The following ZNF462 variants were observed in gnomAD, a reference collection of about 807,000 sequenced individuals.
ZNF462 encodes the protein zinc finger PBX1-interacting protein.
A neutral mutation model predicts 201.9 loss-of-function variants in ZNF462; 10 were observed. That is an observed-to-expected ratio of 0.05 (90% CI 0.03 to 0.08). ZNF462 has a LOEUF of 0.08. ZNF462 is among the 10% of genes least tolerant of loss of function. The pLI is 1.00. For missense variants in ZNF462, 2,523 were observed against 3,168.3 expected (o/e 0.80, Z 4.89); for synonymous variants, 1,227 against 1,193.3 (o/e 1.03, Z -0.58).
chr9:106,992,118 T>C (rs1828330631), intron 10 of ZNF462, among the ~76,000 whole-genome samples: 2 of 151,926 alleles, frequency 1.3e-5, no homozygotes, highest in South Asian at 2.1e-4. Context: ...AACCAAAATA[T>C]TTAAAGAAAT....
chr9:106,871,400 GA>G (rs746886995), intron 1 of ZNF462, among the ~76,000 whole-genome samples: 1 of 152,178 alleles, frequency 6.6e-6, no homozygotes, highest in Non-Finnish European at 1.5e-5. Context: ...TTTTATAGTG[GA>G]AATTTGCTGG....
rs367768606 is a variant in ZNF462 at position 106,930,556 on chromosome 9, T to C, written c.5879T>C (p.Ile1960Thr). ...GGTCACTTAGAAGAGGTGCCAAAGA[T>C]CAAGGAGAGGAAAGTGGTGGGCTAC... ...PFGHLEEVPK[I>T]KERKVVGYKC... The change falls in exon 4 of 13, where the codon ATC becomes ACC. Residue 1960 changes from isoleucine to threonine, a missense_variant. Transcript: ENST00000277225. The surrounding 1 kb of genome is among the most constrained non-coding windows in gnomAD (Gnocchi z 5.8). 1 of 1,614,138 alleles carries C rather than the reference T, an allele frequency of 6.2e-7. No homozygotes were observed. The highest frequency in any genetic ancestry group is 8.5e-7 in the Non-Finnish European group (1 of 1,180,018).
rs1266811003 is a variant in ZNF462, at chr9:106,970,156, G to T, written c.6428-1849G>T. Among the ~76,000 whole-genome samples, 1 of 152,148 alleles carries T rather than the reference G, an allele frequency of 6.6e-6. No homozygotes were observed. The highest frequency in any genetic ancestry group is 1.9e-4 in the East Asian group (1 of 5,182). Reference sequence around the variant, plus strand: ...TAAAGAAAAAGGAGATAAAAGAACTGGGTAAAATGAATTCAGTTGTCATTC... The same window carrying T: ...TAAAGAAAAAGGAGATAAAAGAACTTGGTAAAATGAATTCAGTTGTCATTC... On this transcript the variant is annotated intron_variant, in intron 7 of 12. Transcript: ENST00000277225. This position sits in a 1 kb window ranked among gnomAD's most constrained non-coding sequence, Gnocchi z 4.2.
intron 1 of ZNF462, among the ~76,000 whole-genome samples, chr9:106,891,194 T>C (rs1382905574): frequency 6.6e-6 from 1 of 152,176 alleles, no homozygotes; most frequent in Non-Finnish European, 1.5e-5. Flanking sequence ...AAAAGAAAAA[T>C]GCATTTCCCT....
rs567861496 is a variant in ZNF462, at chr9:106,946,510, T to G, written c.6427+7403T>G. On this transcript the variant is annotated intron_variant, in intron 7 of 12. Coordinates refer to ENST00000277225, the MANE Select transcript of ZNF462 (RefSeq NM_021224.6). Reference sequence around the variant, plus strand: ...ATGACTCATAGGTCTCTCCAGTCTTTCTGTTCTGTGTGAGAGGATTTTACA... The same window carrying G: ...ATGACTCATAGGTCTCTCCAGTCTTGCTGTTCTGTGTGAGAGGATTTTACA... 2.2e-3 allele frequency among the ~76,000 whole-genome samples: 340 copies of G among 152,264 alleles called. 4 individuals carry two copies. The highest frequency in any genetic ancestry group is 7.9e-3 in the African/African-American group (330 of 41,562).
Position 106,927,217 on chromosome 9 carries a change from C to G in ZNF462, c.3305C>G (p.Pro1102Arg), listed in dbSNP as rs376343711. Residue 1102 changes from proline to arginine, a missense_variant, in exon 3 of 13, where the codon CCA (proline) becomes CGA (arginine). Physicochemically the swap from Pro to Arg is moderately radical, Grantham distance 103. Transcript: ENST00000277225. ...KMSNMGSPPP[P>R]QPPPPDLSTE... ...TCCAACATGGGTTCCCCACCCCCCC[C>G]ACAACCCCCGCCACCAGACCTCAGT... 20 of 1,590,416 alleles carry G rather than the reference C, an allele frequency of 1.3e-5. No individual in the cohort carries two copies. The African/African-American group carries it at 1.9e-4, about 15-fold the overall frequency.
chr9:106,939,761 C>T (rs527444992), intron 7 of ZNF462, among the ~76,000 whole-genome samples: 11 of 152,232 alleles, frequency 7.2e-5, no homozygotes, highest in African/African-American at 2.6e-4. Flanking sequence ...GAGTCCAGAC[C>T]TTAGGGCCTG....
chr9:106,908,136 T>A (rs1180974196), intron 1 of ZNF462, among the ~76,000 whole-genome samples: 1 of 152,114 alleles, frequency 6.6e-6, no homozygotes, highest in African/African-American at 2.4e-5. Flanking sequence ...CACGGGCACT[T>A]GAAAACTTTT....
rs1439477597 is a variant in ZNF462 at position 106,883,980 on chromosome 9, T to A, written c.-31+20625T>A. Among the ~76,000 whole-genome samples, 2 of 152,194 alleles carry A rather than the reference T, an allele frequency of 1.3e-5. No individual in the cohort carries two copies. Among genetic ancestry groups the A allele is most frequent in the African/African-American group, 4.8e-5 (2 of 41,464 alleles). On this transcript the variant is annotated intron_variant, in intron 1 of 12. Coordinates refer to ENST00000277225, the MANE Select transcript of ZNF462 (RefSeq NM_021224.6). The surrounding 1 kb of genome is among the most constrained non-coding windows in gnomAD (Gnocchi z 4.9). Reference sequence around the variant, plus strand: ...TCTTCATTGCTCATAAAAAAATGTTTAAGCAACCACAAGTGTGTATATATG... The same window carrying A: ...TCTTCATTGCTCATAAAAAAATGTTAAAGCAACCACAAGTGTGTATATATG...
intron 6 of ZNF462, among the ~76,000 whole-genome samples, chr9:106,937,831 T>G (rs573722648): frequency 2.6e-5 from 4 of 152,298 alleles, no homozygotes; most frequent in South Asian, 2.1e-4. Flanking sequence ...TTCCTTATGG[T>G]TGTAAATTTA....
intron 7 of ZNF462, among the ~76,000 whole-genome samples, chr9:106,948,287 A>C (rs1304722541): frequency 1.3e-5 from 2 of 152,154 alleles, no homozygotes; most frequent in Admixed American, 1.3e-4. Flanking sequence ...AGGACTTTGG[A>C]TTTATTAAGA....
intron 8 of ZNF462, among the ~76,000 whole-genome samples, chr9:106,973,172 TATA>T (rs767771853): frequency 4.6e-5 from 7 of 152,180 alleles, no homozygotes; most frequent in Non-Finnish European, 1.0e-4. Context: ...AGAAAGCTAT[TATA>T]ATAATATGAC....
Position 106,923,308 on chromosome 9 carries a change from T to C in ZNF462, c.-30-46T>C, listed in dbSNP as rs1830058798. The C allele has an allele frequency of 4.2e-6, 6 of 1,415,446 alleles. No individual in the cohort carries two copies. The highest frequency in any genetic ancestry group is 6.0e-6 in the Non-Finnish European group (6 of 1,002,930). The allele number at this position is 1,415,446 out of a possible 1,614,324, so 87.7% of individuals were successfully genotyped here. A position where few individuals can be genotyped will look rare whatever the true frequency, so the allele number is the denominator to read the frequency against. On this transcript the variant is annotated intron_variant, in intron 1 of 12. Transcript: ENST00000277225. The surrounding 1 kb of genome is among the most constrained non-coding windows in gnomAD (Gnocchi z 5.6). ...TATAGCCCCATCAGCTCGAGGTATG[T>C]GATTAGTGCATTCCTTAAGATGTTT...
chr9:106,925,464 G>T lies in ZNF462; in HGVS notation c.1552G>T (p.Val518Leu), dbSNP rs772717599. 1.9e-6 allele frequency: 3 copies of T among 1,614,158 alleles called. No homozygotes were observed. The change falls in exon 3 of 13, where the codon GTG (valine) becomes TTG (leucine). Residue 518 changes from valine to leucine, a missense_variant. Val to Leu is a conservative substitution (Grantham distance 32). Transcript: ENST00000277225. This position sits in a 1 kb window ranked among gnomAD's most constrained non-coding sequence, Gnocchi z 7.9. ...SISSSLNEGVVSYESSSINGR... is the reference protein window; with the variant it reads ...SISSSLNEGVLSYESSSINGR... ...TTCTTCCTCACTGAATGAAGGTGTG[G>T]TGTCTTATGAGAGCTCAAGCATCAA...
rs755995062 is a variant in ZNF462 at position 106,924,523 on chromosome 9, A to T, written c.611A>T (p.Asp204Val). 2.5e-6 allele frequency: 4 copies of T among 1,614,120 alleles called. No homozygotes were observed. The South Asian group carries it at 3.3e-5, about 13-fold the overall frequency. The change falls in exon 3 of 13, where the codon GAC (aspartate) becomes GTC (valine). Residue 204 changes from aspartate (D) to valine (V), a missense_variant. Physicochemically the swap from Asp to Val is radical, Grantham distance 152 (BLOSUM62 -3). Around this residue, in one of 15 missense-constraint regions of ZNF462, gnomAD observed 480 missense variants for 544.4 expected, o/e 0.88. Transcript: ENST00000277225. This position sits in a 1 kb window ranked among gnomAD's most constrained non-coding sequence, Gnocchi z 6.2. Reference sequence around the variant, plus strand: ...CCACCTGCTCCTGCTCCAATGCCAGACCCTGTGGTTCCGCCCGTATCACTG... The same window carrying T: ...CCACCTGCTCCTGCTCCAATGCCAGTCCCTGTGGTTCCGCCCGTATCACTG... Reference protein sequence around the residue: ...APPPAPAPMPDPVVPPVSLQD... With the variant: ...APPPAPAPMPVPVVPPVSLQD...
chr9:106,983,358 C>T (rs570286082), intron 9 of ZNF462, among the ~76,000 whole-genome samples: 5 of 152,166 alleles, frequency 3.3e-5, no homozygotes, highest in African/African-American at 4.8e-5. Flanking sequence ...CTGTCTCCTG[C>T]GCAACCCCAC....
chr9:106,957,615 A>T (rs2131853005), intron 7 of ZNF462, among the ~76,000 whole-genome samples: 1 of 152,280 alleles, frequency 6.6e-6, no homozygotes, highest in East Asian at 1.9e-4. Context: ...TAATCCAACC[A>T]TTTATAAAAA....
intron 7 of ZNF462, among the ~76,000 whole-genome samples, chr9:106,940,337 A>T (rs147019876): frequency 6.6e-6 from 1 of 152,188 alleles, no homozygotes; most frequent in Non-Finnish European, 1.5e-5. Flanking sequence ...GACCATTTAT[A>T]ACAAGTACGA....
At chr9:106,945,858 G>A (rs1379408820) in intron 7 of ZNF462, among the ~76,000 whole-genome samples, 1 of 152,204 alleles carries the variant, frequency 6.6e-6, no homozygotes, top group Non-Finnish European at 1.5e-5. Flanking sequence ...GGGATTAAAT[G>A]TTAAGACTCT....
Sources: gnomAD v4.1 joint callset for allele counts (sites outside exome capture counted in the v4.1 genomes callset) on GRCh38, gnomAD v4.1.1 for gene constraint, gnomAD v4.1.1 regional missense constraint, Gnocchi (gnomAD v3.1) non-coding constraint, MANE v1.5 for transcripts, NCBI Gene and HGNC (gene_info 2026-07-23, HGNC 2026-07-21) for gene names.